The following SLC10A7 variants were observed in gnomAD, a reference collection of about 807,000 sequenced individuals.
SLC10A7 encodes sodium/bile acid cotransporter 7.
In SLC10A7, 29 loss-of-function variants were observed where a neutral mutation model predicts 43.2. The ratio of observed to expected loss-of-function variants is 0.67; its 90% CI spans 0.50 to 0.92. SLC10A7 has a LOEUF of 0.92. Ranked by LOEUF, SLC10A7 falls within the 40% of genes least tolerant of loss-of-function variation. The pLI, the probability that SLC10A7 is intolerant of heterozygous loss-of-function variation, is 0.00. For missense variants in SLC10A7, 295 were observed against 403.2 expected, an observed-to-expected ratio of 0.73 and a Z score of 2.30; for synonymous variants, 152 against 144.8, an observed-to-expected ratio of 1.05 and a Z score of -0.35.
intron 4 of SLC10A7, among the ~76,000 whole-genome samples, chr4:146,458,005 C>A (rs774137527): frequency 2.6e-5 from 4 of 151,502 alleles, no homozygotes; most frequent in Non-Finnish European, 4.4e-5. Flanking sequence ...AACCTGATAC[C>A]AAAATCAGAT....
At chr4:146,521,395 T>C (rs1174359443) in intron 1 of SLC10A7, among the ~76,000 whole-genome samples, 1 of 152,188 alleles carries the variant, frequency 6.6e-6, no homozygotes, top group Non-Finnish European at 1.5e-5. Context: ...TCATTGTTTG[T>C]CTACGGAAAA....
rs147258882 is a variant in SLC10A7 at position 146,515,817 on chromosome 4, G to A, written c.183+1221C>T. Among the ~76,000 whole-genome samples the A allele has an allele frequency of 6.9e-3, 1,046 of 151,606 alleles. 8 individuals are homozygous for A. The highest frequency in any genetic ancestry group is 0.024 in the African/African-American group (996 of 41,238). ...CCCAGCTATTCAGGAGGCTGAGGCA[G>A]GAGAATCACTTGAACCCGGGAGGCG... On this transcript the variant is annotated intron_variant, in intron 2 of 11. Coordinates refer to ENST00000335472, the MANE Select transcript of SLC10A7 (RefSeq NM_001029998.6).
chr4:146,387,170 A>G (rs1439487662), intron 5 of SLC10A7, among the ~76,000 whole-genome samples: 1 of 152,140 alleles, frequency 6.6e-6, no homozygotes, highest in East Asian at 1.9e-4. Flanking sequence ...TGTCCTTATA[A>G]GAAGAGGCCA....
In SLC10A7 at chr4:146,374,504, G is replaced by A. The variant is rs192662911; in HGVS notation, c.436-48508C>T. ...CTTGGGAGACTGAGGCAGGAGAATC[G>A]TTTGAACCTGGGAGGCAGAGGTTGC... On this transcript the variant is annotated intron_variant, in intron 5 of 11. Coordinates refer to ENST00000335472, the MANE Select transcript of SLC10A7 (RefSeq NM_001029998.6). Among the ~76,000 whole-genome samples the A allele has an allele frequency of 2.3e-3, 345 of 151,710 alleles. 6 individuals are homozygous for A. The highest frequency in any genetic ancestry group is 8.1e-4 in the Non-Finnish European group (55 of 67,912).
At chr4:146,502,697 T>C (rs767340514) in intron 4 of SLC10A7, among the ~76,000 whole-genome samples, 3 of 152,338 alleles carry the variant, frequency 2.0e-5, no homozygotes, top group Non-Finnish European at 4.4e-5. Flanking sequence ...ACTGAATTAT[T>C]AATGAACACA....
chr4:146,519,343 A>G (rs1184292169), intron 1 of SLC10A7, among the ~76,000 whole-genome samples: 1 of 145,902 alleles, frequency 6.9e-6, no homozygotes, highest in Non-Finnish European at 1.5e-5. Flanking sequence ...ATATAATATT[A>G]TCTATATATA....
intron 5 of SLC10A7, among the ~76,000 whole-genome samples, chr4:146,419,125 T>C (rs1420943713): frequency 2.0e-5 from 3 of 152,188 alleles, no homozygotes; most frequent in Non-Finnish European, 4.4e-5. Flanking sequence ...CTGAACCCTG[T>C]CCTTTTGGAT....
At chr4:146,441,631 T>A (rs1730610716) in intron 5 of SLC10A7, 2 of 896,606 alleles carry the variant, frequency 2.2e-6, no homozygotes, top group South Asian at 1.0e-4. Context: ...ACTTAAAATA[T>A]TACTGAGTCT....
At chr4:146,325,235 C>A (rs1273233443) in intron 6 of SLC10A7, among the ~76,000 whole-genome samples, 1 of 152,152 alleles carries the variant, frequency 6.6e-6, no homozygotes, top group East Asian at 1.9e-4. Context: ...TGAAAAGATG[C>A]ACAGTTCATA....
chr4:146,341,491 A>C (rs1734259737), intron 5 of SLC10A7, among the ~76,000 whole-genome samples: 1 of 151,836 alleles, frequency 6.6e-6, no homozygotes, highest in South Asian at 2.1e-4. Context: ...CAGACATAAG[A>C]ATGTAACCAT....
Position 146,521,733 on chromosome 4 carries a change from T to TCA in SLC10A7, c.-17_-16insTG. 1 of 1,607,006 alleles carries TCA rather than the reference T, an allele frequency of 6.2e-7. No individual in the cohort carries two copies. Among genetic ancestry groups the TCA allele is most frequent in the Non-Finnish European group, 8.5e-7 (1 of 1,173,900 alleles). ...GCAGCCTCATATTTGTTAGGGTGGG[T>TCA]GGGTTTTGTTTATTTGTTTGGCTTT... On this transcript the variant is annotated 5_prime_UTR_variant, in exon 1 of 12. An upstream open reading frame in the 5' UTR loses its in-frame stop. Transcript: ENST00000335472.
chr4:146,294,321 C>T (rs1416557440), intron 7 of SLC10A7, among the ~76,000 whole-genome samples: 1 of 152,200 alleles, frequency 6.6e-6, no homozygotes, highest in Non-Finnish European at 1.5e-5. Context: ...ATATTTTCAA[C>T]TGCATTCAAA....
intron 4 of SLC10A7, among the ~76,000 whole-genome samples, chr4:146,446,535 C>A (rs1579208092): frequency 6.6e-6 from 1 of 150,544 alleles, no homozygotes; most frequent in Non-Finnish European, 1.5e-5. Context: ...GAGATTGTAC[C>A]ACTGCATTCC....
At chr4:146,445,457 G>A (rs919274516) in intron 4 of SLC10A7, among the ~76,000 whole-genome samples, 2 of 152,234 alleles carry the variant, frequency 1.3e-5, no homozygotes, top group Non-Finnish European at 2.9e-5. Flanking sequence ...GTGTCCAAGT[G>A]TGTTACAATG....
At chr4:146,494,916 G>A (rs995979018) in intron 4 of SLC10A7, among the ~76,000 whole-genome samples, 13 of 152,122 alleles carry the variant, frequency 8.5e-5, no homozygotes, top group African/African-American at 3.1e-4. Flanking sequence ...GGAAATCTAG[G>A]TACGTTTCAC....
At chr4:146,337,481 A>G (rs1197821803) in intron 5 of SLC10A7, among the ~76,000 whole-genome samples, 1 of 152,038 alleles carries the variant, frequency 6.6e-6, no homozygotes, top group Non-Finnish European at 1.5e-5. Context: ...TCCAATGGTC[A>G]GCCAAAGTTC....
rs1390349311 is a variant in SLC10A7, at chr4:146,254,698, A to G, written c.*1793T>C. On this transcript the variant is annotated 3_prime_UTR_variant, in exon 12 of 12. Coordinates refer to ENST00000335472, the MANE Select transcript of SLC10A7 (RefSeq NM_001029998.6). ...AATGTTAGGGAGAAAGATTTTTATG[A>G]TAGGGCAGATAGATGACAGACAGAC... The G allele has an allele frequency of 1.3e-5, 2 of 152,208 alleles. No homozygotes were observed. The highest frequency in any genetic ancestry group is 2.9e-5 in the Non-Finnish European group (2 of 68,040). 9.4% of individuals were successfully genotyped at this position (152,208 alleles called of 1,614,324 possible).
chr4:146,521,585 C>A lies in SLC10A7; in HGVS notation c.100+33G>T, dbSNP rs560313083. 1,248 of 1,571,404 alleles carry A rather than the reference C, an allele frequency of 7.9e-4. 28 individuals are homozygous for A. In the South Asian group the frequency reaches 0.013, roughly 17 times the overall value. ...TCACAAATTAGTTCTGAAGTGGGAGCCGCGGTGGAGCCGGCAGAGGTGCAG... is the reference window on the plus strand; with the variant it reads ...TCACAAATTAGTTCTGAAGTGGGAGACGCGGTGGAGCCGGCAGAGGTGCAG... On this transcript the variant is annotated intron_variant, in intron 1 of 11. Transcript: ENST00000335472.
chr4:146,509,971 T>C lies in SLC10A7; in HGVS notation c.262A>G (p.Ile88Val). 6.2e-7 allele frequency: 1 copy of C among 1,613,790 alleles called. No individual in the cohort carries two copies. The highest frequency in any genetic ancestry group is 2.2e-5 in the East Asian group (1 of 44,820). The change falls in exon 3 of 12, where the codon ATA (isoleucine) becomes GTA (valine). Residue 88 changes from isoleucine (I) to valine (V), a missense_variant. Physicochemically the swap from Ile to Val is conservative, Grantham distance 29 (BLOSUM62 3). Coordinates refer to ENST00000335472, the MANE Select transcript of SLC10A7 (RefSeq NM_001029998.6). ...GATAAAAGCTGAAGAAAAAGCCATA[T>C]TGTTGCTGGGAAGAATGCAAGAGTA... ...IFTLAFFPAT[I>V]WLFLQLLSIT...
Sources: gnomAD v4.1 joint callset for allele counts (sites outside exome capture counted in the v4.1 genomes callset) on GRCh38, gnomAD v4.1.1 for gene constraint, MANE v1.5 for transcripts, NCBI Gene and HGNC (gene_info 2026-07-23, HGNC 2026-07-21) for gene names.